HMCN1: variants seen among roughly 807,000 people sequenced by gnomAD.
HMCN1 encodes hemicentin 1.
Under a neutral mutation model 625.9 loss-of-function variants are expected in HMCN1, and 321 were observed. That is an observed-to-expected ratio of 0.51 (90% CI 0.47 to 0.56). The LOEUF (loss-of-function observed/expected upper bound fraction) is 0.56, where lower values mean the gene tolerates loss of function less well. Among genes scored for constraint, HMCN1 ranks in the 20% least tolerant of loss-of-function variants. The pLI, the probability that HMCN1 is intolerant of heterozygous loss-of-function variation, is 0.00. For missense variants in HMCN1, 6,588 were observed against 6,887.3 expected (o/e 0.96, Z 1.54); for synonymous variants, 2,425 against 2,417.6 (o/e 1.00, Z -0.09).
intron 6 of HMCN1, among the ~76,000 whole-genome samples, chr1:185,920,801 A>G (rs1666968939): frequency 6.6e-6 from 1 of 152,152 alleles, no homozygotes; most frequent in Non-Finnish European, 1.5e-5. Context: ...TACGTGTCAT[A>G]TTTGCCCTTA....
At position 185,829,962 on chromosome 1, in the gene HMCN1, C is replaced by G. The variant is rs182101313; in HGVS notation, c.269-16064C>G. 3.3e-5 allele frequency among the ~76,000 whole-genome samples: 5 copies of G among 152,212 alleles called. No homozygotes were observed. The East Asian group carries it at 9.7e-4, about 29-fold the overall frequency. ...TTCTGACTGGTGTGAGATGGTATCT[C>G]ATTGTGGTTTTGATTTGCATTTATC... On this transcript the variant is annotated intron_variant, in intron 1 of 106. Transcript: ENST00000271588.
chr1:185,923,781 T>A (rs1448427111), intron 8 of HMCN1, 128 bp downstream of exon 8: 2 of 788,020 alleles, frequency 2.5e-6, no homozygotes, highest in East Asian at 5.0e-5. Flanking sequence ...ACCAAATTGA[T>A]GGATATTTAC....
chr1:185,825,536 TAATC>T (rs1660464855), intron 1 of HMCN1, among the ~76,000 whole-genome samples: 1 of 152,208 alleles, frequency 6.6e-6, no homozygotes, highest in Non-Finnish European at 1.5e-5. Flanking sequence ...GAAATAATGA[TAATC>T]AATTCTGCCC....
chr1:185,757,872 A>G (rs1317802414), intron 1 of HMCN1, among the ~76,000 whole-genome samples: 1 of 151,952 alleles, frequency 6.6e-6, no homozygotes, highest in Non-Finnish European at 1.5e-5. Flanking sequence ...TCCATTTCCT[A>G]CTGTATTGTC....
rs1413424553 is a variant in HMCN1 at position 185,734,659 on chromosome 1, A to G, written c.-121A>G. 12 of 971,914 alleles carry G rather than the reference A, an allele frequency of 1.2e-5. No individual in the cohort carries two copies. The Admixed American group carries it at 1.4e-4, about 12-fold the overall frequency. The allele number at this position is 971,914 out of a possible 1,614,324, so 60.2% of individuals were successfully genotyped here. On this transcript the variant is annotated 5_prime_UTR_variant, in exon 1 of 107. Coordinates refer to ENST00000271588, the MANE Select transcript of HMCN1 (RefSeq NM_031935.3). ...GATTCTCAGCGCCAAACTTTTTGCTAGTTCAGAGATTCCAAGAGTCTGATG... is the reference window on the plus strand; with the variant it reads ...GATTCTCAGCGCCAAACTTTTTGCTGGTTCAGAGATTCCAAGAGTCTGATG...
intron 2 of HMCN1, among the ~76,000 whole-genome samples, chr1:185,853,238 C>T (rs2102333073): frequency 6.6e-6 from 1 of 152,210 alleles, no homozygotes; most frequent in East Asian, 1.9e-4. Context: ...ATTCCTATCT[C>T]CAATCACTTT....
chr1:185,802,165 G>T (rs76419792), intron 1 of HMCN1, among the ~76,000 whole-genome samples: 4,720 of 152,186 alleles, frequency 0.031, 227 homozygotes, highest in African/African-American at 0.1. Context: ...AGTGAGGCTA[G>T]GCATGGGGTG....
intron 36 of HMCN1, among the ~76,000 whole-genome samples, chr1:186,032,793 G>A (rs1027853704): frequency 5.9e-5 from 9 of 151,900 alleles, no homozygotes; most frequent in Non-Finnish European, 1.3e-4. Context: ...TGCTGAAAGG[G>A]AACACTTTAA....
intron 16 of HMCN1, among the ~76,000 whole-genome samples, chr1:185,979,078 G>T (rs1463749078): frequency 3.3e-5 from 5 of 152,110 alleles, no homozygotes; most frequent in Non-Finnish European, 7.4e-5. Flanking sequence ...CAGCTCTGTG[G>T]TGAGCTCTGT....
intron 29 of HMCN1, among the ~76,000 whole-genome samples, chr1:186,005,585 A>C (rs190804346): frequency 4.5e-4 from 68 of 152,150 alleles, no homozygotes; most frequent in African/African-American, 1.5e-3. Flanking sequence ...AATGTAAAAT[A>C]AAAACAAAAA....
intron 78 of HMCN1, 32 bp downstream of exon 78, chr1:186,119,330 G>T (rs371101620): frequency 1.2e-5 from 18 of 1,534,878 alleles, no homozygotes; most frequent in Non-Finnish European, 1.5e-5. Flanking sequence ...TTCAAAGTTC[G>T]CTGGGTTTGG....
At chr1:185,819,716 A>T (rs1479321694) in intron 1 of HMCN1, among the ~76,000 whole-genome samples, 1 of 152,188 alleles carries the variant, frequency 6.6e-6, no homozygotes, top group Non-Finnish European at 1.5e-5. Context: ...TAATTAGAGA[A>T]AGAAACAGTC....
intron 1 of HMCN1, among the ~76,000 whole-genome samples, chr1:185,831,394 C>A (rs1032933405): frequency 6.6e-6 from 1 of 152,092 alleles, no homozygotes; most frequent in African/African-American, 2.4e-5. Context: ...TATATATTTT[C>A]ATAACCTGAT....
intron 85 of HMCN1, 70 bp downstream of exon 85, chr1:186,130,767 G>C (rs1661891701): frequency 7.8e-7 from 1 of 1,289,346 alleles, no homozygotes; most frequent in South Asian, 1.2e-5. Context: ...GAGTGCCATA[G>C]ATAAGAAACA....
Position 185,910,637 on chromosome 1 carries a change from C to T in HMCN1, c.794-1037C>T, listed in dbSNP as rs570665554. 3.3e-5 allele frequency among the ~76,000 whole-genome samples: 5 copies of T among 151,044 alleles called. No homozygotes were observed. In the East Asian group the frequency reaches 9.7e-4, roughly 29 times the overall value. Reference sequence around the variant, plus strand: ...CCAGGCTGAAGTGCAGTAGCATGACCTCAGCTCATTGCAACCTCTCCCTCC... The same window carrying T: ...CCAGGCTGAAGTGCAGTAGCATGACTTCAGCTCATTGCAACCTCTCCCTCC... On this transcript the variant is annotated intron_variant, in intron 5 of 106. Coordinates refer to ENST00000271588, the MANE Select transcript of HMCN1 (RefSeq NM_031935.3).
Position 186,086,289 on chromosome 1 carries a change from C to T in HMCN1, c.8928C>T (p.Val2976=), listed in dbSNP as rs1324915270. 2 of 1,612,938 alleles carry T rather than the reference C, an allele frequency of 1.2e-6. No individual in the cohort carries two copies. Among genetic ancestry groups the T allele is most frequent in the Admixed American group, 1.7e-5 (1 of 59,888 alleles). Reference sequence around the variant, plus strand: ...GTCCTAAATCTGAAAATCTTACCGTCGTGGTGAACAATTTCATCTCTTTGA... The same window carrying T: ...GTCCTAAATCTGAAAATCTTACCGTTGTGGTGAACAATTTCATCTCTTTGA... ...VIGPKSENLT[V]VVNNFISLTC... The change falls in exon 58 of 107, where the codon GTC becomes GTT. Residue 2976 remains valine, a synonymous_variant. Transcript: ENST00000271588.
intron 1 of HMCN1, among the ~76,000 whole-genome samples, chr1:185,742,181 T>A (rs1270374437): frequency 6.6e-6 from 1 of 152,200 alleles, no homozygotes; most frequent in Non-Finnish European, 1.5e-5. Flanking sequence ...TGTTTCTCCA[T>A]CTATAAAATT....
At chr1:186,071,621 A>G (rs2102346113) in intron 52 of HMCN1, among the ~76,000 whole-genome samples, 1 of 152,322 alleles carries the variant, frequency 6.6e-6, no homozygotes, top group Admixed American at 6.5e-5. Flanking sequence ...CATAATCATG[A>G]TTTAAGATGC....
chr1:186,170,724 G>A (rs1436174495), intron 100 of HMCN1, among the ~76,000 whole-genome samples: 1 of 152,114 alleles, frequency 6.6e-6, no homozygotes, highest in African/African-American at 2.4e-5. Context: ...TCCAGGACTG[G>A]AGGAAAGGAA....
Sources: allele counts gnomAD v4.1 joint callset (sites outside exome capture counted in the v4.1 genomes callset), GRCh38; gene constraint gnomAD v4.1.1; transcripts MANE v1.5; gene names NCBI Gene and HGNC (gene_info 2026-07-23, HGNC 2026-07-21).